The following GRIN2A variants were observed in gnomAD, a reference collection of about 807,000 sequenced individuals.
GRIN2A encodes glutamate ionotropic receptor NMDA type subunit 2A, also known as glutamate receptor ionotropic, NMDA 2A.
In GRIN2A, 22 loss-of-function variants were observed where a neutral mutation model predicts 113.4. That is an observed-to-expected ratio of 0.19 (90% CI 0.14 to 0.28). The LOEUF (loss-of-function observed/expected upper bound fraction) is 0.28, where lower values mean the gene tolerates loss of function less well. Among genes scored for constraint, GRIN2A ranks in the 10% least tolerant of loss-of-function variants. GRIN2A has a pLI of 1.00. For synonymous variants in GRIN2A, 827 were observed against 738.4 expected (o/e 1.12, Z -1.94); for missense variants, 1,502 against 1,887.0 (o/e 0.80, Z 3.78).
intron 3 of GRIN2A, among the ~76,000 whole-genome samples, chr16:9,924,024 G>A (rs1012472783): frequency 2.0e-5 from 3 of 150,892 alleles, no homozygotes; most frequent in African/African-American, 7.3e-5. Flanking sequence ...CTACTCAGGA[G>A]GCTGAGGCAG....
At chr16:10,107,543 T>C (rs923126859) in intron 2 of GRIN2A, among the ~76,000 whole-genome samples, 2 of 152,126 alleles carry the variant, frequency 1.3e-5, no homozygotes, top group African/African-American at 2.4e-5. Flanking sequence ...AGCTAGCAAA[T>C]AGCACAGTTT....
At chr16:9,858,403 G>C (rs1567351113) in intron 4 of GRIN2A, among the ~76,000 whole-genome samples, 1 of 151,882 alleles carries the variant, frequency 6.6e-6, no homozygotes, top group Non-Finnish European at 1.5e-5. Context: ...AATTTTTTTG[G>C]TACTTAAAAG....
intron 2 of GRIN2A, among the ~76,000 whole-genome samples, chr16:9,958,707 T>C (rs1319851487): frequency 6.6e-6 from 1 of 152,050 alleles, no homozygotes; most frequent in Non-Finnish European, 1.5e-5. Context: ...TTCGTTTGCA[T>C]ACCAGATTGC....
chr16:10,035,858 G>C, intron 2 of GRIN2A, among the ~76,000 whole-genome samples: 1 of 151,958 alleles, frequency 6.6e-6, no homozygotes, highest in East Asian at 1.9e-4. Flanking sequence ...CCAGTAGCTA[G>C]GACTACAGGT....
At chr16:9,803,715 A>G (rs2041911047) in intron 10 of GRIN2A, among the ~76,000 whole-genome samples, 1 of 152,158 alleles carries the variant, frequency 6.6e-6, no homozygotes, top group South Asian at 2.1e-4. Context: ...AGATGGAGAA[A>G]CTGAGGCATT....
At chr16:9,954,496 T>C (rs1428392386) in intron 2 of GRIN2A, among the ~76,000 whole-genome samples, 1 of 152,154 alleles carries the variant, frequency 6.6e-6, no homozygotes, top group Non-Finnish European at 1.5e-5. Context: ...GAACAGAGCT[T>C]ATTAAAAACT....
intron 3 of GRIN2A, among the ~76,000 whole-genome samples, chr16:9,908,218 A>T (rs1254487436): frequency 6.6e-6 from 1 of 152,040 alleles, no homozygotes; most frequent in Non-Finnish European, 1.5e-5. Flanking sequence ...TGTCCCCTAA[A>T]AGACTAAGCT....
At chr16:9,770,868 C>A (rs1159422942) in intron 11 of GRIN2A, among the ~76,000 whole-genome samples, 1 of 152,164 alleles carries the variant, frequency 6.6e-6, no homozygotes, top group Non-Finnish European at 1.5e-5. Flanking sequence ...TCTCCCCGCT[C>A]CCTTCGGTTT....
intron 2 of GRIN2A, among the ~76,000 whole-genome samples, chr16:9,952,982 A>AT (rs1473961704): frequency 6.6e-6 from 1 of 152,148 alleles, no homozygotes; most frequent in Non-Finnish European, 1.5e-5. Context: ...CCATGAAAGA[A>AT]TTTTTTAGCA....
At chr16:10,141,090 A>T (rs2049316818) in intron 2 of GRIN2A, among the ~76,000 whole-genome samples, 1 of 152,156 alleles carries the variant, frequency 6.6e-6, no homozygotes, top group Admixed American at 6.6e-5. Context: ...GCTACTCAGG[A>T]GGCTGAGGTG....
At chr16:10,094,787 GAGA>G (rs544492804) in intron 2 of GRIN2A, among the ~76,000 whole-genome samples, 10 of 150,578 alleles carry the variant, frequency 6.6e-5, no homozygotes, top group African/African-American at 2.4e-4. Flanking sequence ...CAGACCCTTG[GAGA>G]AATGACTGAT....
chr16:9,879,196 C>T (rs2043429726), intron 4 of GRIN2A, among the ~76,000 whole-genome samples: 2 of 152,048 alleles, frequency 1.3e-5, no homozygotes, highest in Admixed American at 1.3e-4. Flanking sequence ...AATTAAATTC[C>T]ACACAGACTC....
intron 5 of GRIN2A, among the ~76,000 whole-genome samples, chr16:9,842,929 G>A (rs1409359272): frequency 1.4e-5 from 2 of 144,660 alleles, no homozygotes; most frequent in Admixed American, 7.0e-5. Flanking sequence ...TGACTCTGTC[G>A]AGAGAAAGAG....
chr16:10,064,164 T>C (rs2047603237), intron 2 of GRIN2A, among the ~76,000 whole-genome samples: 1 of 152,200 alleles, frequency 6.6e-6, no homozygotes, highest in African/African-American at 2.4e-5. Context: ...GTGAGTGTTT[T>C]GTTTCTTCCA....
At chr16:9,937,658 T>A (rs767492971) in intron 3 of GRIN2A, 20 of 408,944 alleles carry the variant, frequency 4.9e-5, no homozygotes, top group Non-Finnish European at 9.1e-5. Context: ...ACAAAAAATA[T>A]AGATACACTT....
At chr16:9,925,026 T>C (rs956922709) in intron 3 of GRIN2A, among the ~76,000 whole-genome samples, 2 of 152,216 alleles carry the variant, frequency 1.3e-5, no homozygotes, top group Non-Finnish European at 2.9e-5. Flanking sequence ...GGATTATATT[T>C]CCCTGCTGCT....
rs912858569 is a variant in GRIN2A at position 9,855,240 on chromosome 16, T to G, written c.1123-5279A>C. Among the ~76,000 whole-genome samples the G allele has an allele frequency of 1.1e-4, 17 of 152,144 alleles. 1 individual carries two copies. The highest frequency in any genetic ancestry group is 4.1e-4 in the African/African-American group (17 of 41,418). ...GTGACCTTGAACAAGCCACATAATC[T>G]TTTTGAACCTCAGTTCACTCAATCA... On this transcript the variant is annotated intron_variant, in intron 4 of 12. Coordinates refer to ENST00000330684, the MANE Select transcript of GRIN2A (RefSeq NM_001134407.3).
intron 2 of GRIN2A, among the ~76,000 whole-genome samples, chr16:10,049,935 G>A (rs1374077864): frequency 6.6e-6 from 1 of 152,152 alleles, no homozygotes; most frequent in Admixed American, 6.5e-5. Flanking sequence ...CAGTGGAAAA[G>A]CCACTGTTAT....
chr16:10,176,810 G>A (rs4780865), intron 2 of GRIN2A, among the ~76,000 whole-genome samples: 10,099 of 151,970 alleles, frequency 0.066, 442 homozygotes, highest in South Asian at 0.12. Flanking sequence ...TAACAAACCT[G>A]CACGTTGTGC....
Sources: gnomAD v4.1 joint callset for allele counts (sites outside exome capture counted in the v4.1 genomes callset) on GRCh38, gnomAD v4.1.1 for gene constraint, MANE v1.5 for transcripts, NCBI Gene and HGNC (gene_info 2026-07-23, HGNC 2026-07-21) for gene names.